Variants in CAST observed in about 807,000 individuals in gnomAD.
CAST encodes MIR583 host.
CAST carries 76 observed loss-of-function variants against 119.6 expected under a neutral mutation model. That is an observed-to-expected ratio of 0.64 (90% CI 0.53 to 0.77). CAST has a LOEUF of 0.77. Among genes scored for constraint, CAST ranks in the 30% least tolerant of loss-of-function variants. The pLI is 0.00. For missense variants in CAST, 953 were observed against 946.5 expected, an observed-to-expected ratio of 1.01 and a Z score of -0.09; for synonymous variants, 319 against 331.6, an observed-to-expected ratio of 0.96 and a Z score of 0.41.
At chr5:96,100,713 A>G in the CAST span, among the ~76,000 whole-genome samples, 1 of 152,160 alleles carries the variant, frequency 6.6e-6, no homozygotes, top group Non-Finnish European at 1.5e-5. Context: ...ATCCCTCAGT[A>G]TCTGTTGGGG....
chr5:96,483,688 T>C, the CAST span, among the ~76,000 whole-genome samples: 1 of 152,190 alleles, frequency 6.6e-6, no homozygotes, highest in Non-Finnish European at 1.5e-5. Flanking sequence ...CTTTACATGA[T>C]AGGCTTTTTG....
the CAST span, among the ~76,000 whole-genome samples, chr5:95,987,493 G>A: frequency 6.6e-6 from 1 of 152,172 alleles, no homozygotes; most frequent in Admixed American, 6.5e-5. Flanking sequence ...AATTTCTGGG[G>A]AGTGGGACCT....
intron 1 of CAST, among the ~76,000 whole-genome samples, chr5:96,561,194 GC>G (rs1414010414): frequency 5.2e-5 from 7 of 135,248 alleles, no homozygotes; most frequent in African/African-American, 1.9e-4. Flanking sequence ...ACACACCAGG[GC>G]CTGTTGTGGG....
intron 3 of CAST, among the ~76,000 whole-genome samples, chr5:96,714,251 A>G (rs1756788783): frequency 6.6e-6 from 1 of 152,218 alleles, no homozygotes; most frequent in African/African-American, 2.4e-5. Context: ...TAGTTGTGCA[A>G]CCAGAATTAG....
chr5:96,362,862 G>T, the CAST span, among the ~76,000 whole-genome samples: 11 of 152,068 alleles, frequency 7.2e-5, no homozygotes, highest in East Asian at 5.8e-4. Flanking sequence ...GTCAATTTTG[G>T]CTTTTGTTGC....
chr5:96,247,799 TAC>T, the CAST span: 1 of 152,312 alleles, frequency 6.6e-6, no homozygotes, highest in African/African-American at 2.4e-5. Context: ...GAAAAGCATC[TAC>T]AGTGTTATCT....
the CAST span, chr5:95,986,148 A>G: frequency 6.6e-6 from 1 of 152,232 alleles, no homozygotes; most frequent in Non-Finnish European, 1.5e-5. Context: ...AGATGTTTCT[A>G]TGTGAAGCTA....
the CAST span, among the ~76,000 whole-genome samples, chr5:96,398,527 C>G: frequency 6.6e-6 from 1 of 152,148 alleles, no homozygotes; most frequent in Non-Finnish European, 1.5e-5. Flanking sequence ...TCGGATATAT[C>G]TGTGAGTTTG....
chr5:96,120,304 T>C, the CAST span, among the ~76,000 whole-genome samples: 1 of 152,078 alleles, frequency 6.6e-6, no homozygotes, highest in Admixed American at 6.6e-5. Context: ...CTTGGAAAGT[T>C]GGATTTTCCT....
At chr5:95,999,924 G>A in the CAST span, among the ~76,000 whole-genome samples, 1,580 of 152,048 alleles carry the variant, frequency 0.01, 160 homozygotes, top group East Asian at 0.23. Flanking sequence ...TGCTATTGTC[G>A]CCTTATTTAT....
the CAST span, among the ~76,000 whole-genome samples, chr5:96,271,386 C>G: frequency 6.6e-6 from 1 of 152,070 alleles, no homozygotes; most frequent in Non-Finnish European, 1.5e-5. Context: ...CAGCATGGTA[C>G]AAGCATACAA....
At chr5:96,303,972 G>A in the CAST span, among the ~76,000 whole-genome samples, 1 of 152,182 alleles carries the variant, frequency 6.6e-6, no homozygotes, top group East Asian at 1.9e-4. Flanking sequence ...CCCAGTAATA[G>A]GATTGCTGGG....
At chr5:96,486,988 T>C in the CAST span, among the ~76,000 whole-genome samples, 123 of 151,574 alleles carry the variant, frequency 8.1e-4, 1 homozygote, top group African/African-American at 2.8e-3. Context: ...CTTGACTCTT[T>C]CCAACTGAGG....
chr5:96,766,276 G>A, intron 27 of CAST, 131 bp downstream of exon 27: 1 of 584,992 alleles, frequency 1.7e-6, no homozygotes, highest in Non-Finnish European at 3.1e-6. Flanking sequence ...TGCTTCTAAT[G>A]TGTCACCAAA....
chr5:96,765,538 G>C (rs1769614360), intron 26 of CAST, among the ~76,000 whole-genome samples: 1 of 152,128 alleles, frequency 6.6e-6, no homozygotes, highest in African/African-American at 2.4e-5. Context: ...TCCCTGAGGG[G>C]ATTCTGGGAG....
chr5:96,769,817 A>C (rs1270928422), intron 29 of CAST: 1 of 149,914 alleles, frequency 6.7e-6, no homozygotes, highest in Non-Finnish European at 1.5e-5. Context: ...TCTACATATA[A>C]GTGAAATCAC....
the CAST span, among the ~76,000 whole-genome samples, chr5:96,420,117 G>C: frequency 6.6e-6 from 1 of 152,118 alleles, no homozygotes; most frequent in Admixed American, 6.6e-5. Flanking sequence ...ACTCTAAGAA[G>C]GCTTATTATT....
chr5:96,515,286 ATATTGTTCCC>A, the CAST span, among the ~76,000 whole-genome samples: 31,592 of 70,904 alleles, frequency 0.45, 3,853 homozygotes, highest in East Asian at 0.54. Context: ...TTGGGGAACA[ATATTGTTCCC>A]ACAATGTTTG....
intron 1 of CAST, among the ~76,000 whole-genome samples, chr5:96,633,087 T>C (rs1747843450): frequency 1.3e-5 from 2 of 152,290 alleles, no homozygotes; most frequent in South Asian, 2.1e-4. Context: ...TTCTCCTGCC[T>C]CAGCCTCCTG....
Sources: gnomAD v4.1 joint callset for allele counts (sites outside exome capture counted in the v4.1 genomes callset) on GRCh38, gnomAD v4.1.1 for gene constraint, MANE v1.5 for transcripts, NCBI Gene and HGNC (gene_info 2026-07-23, HGNC 2026-07-21) for gene names.